The following SLC28A3 variants were observed in gnomAD, a reference collection of about 807,000 sequenced individuals.
SLC28A3 encodes the protein solute carrier family 28 member 3.
A neutral mutation model predicts 84.2 loss-of-function variants in SLC28A3; 68 were observed. The ratio of observed to expected loss-of-function variants is 0.81; its 90% CI spans 0.66 to 0.99. The LOEUF is 0.99. Among genes scored for constraint, SLC28A3 ranks in the 50% least tolerant of loss-of-function variants. SLC28A3 has a pLI of 0.00. For missense variants in SLC28A3, 712 were observed against 841.5 expected, an observed-to-expected ratio of 0.85 and a Z score of 1.90; for synonymous variants, 267 against 303.6, an observed-to-expected ratio of 0.88 and a Z score of 1.25.
At position 84,278,146 on chromosome 9, in the gene SLC28A3, C is replaced by CTTTTT. The variant is rs1022106554; in HGVS notation, c.*67_*71dup. ...AGCATCAATCTGTGGACAATAGCTT[C>CTTTTT]TTTTTTTTTTCTTTCCAAAGCAGAA... On this transcript the variant is annotated 3_prime_UTR_variant, in exon 18 of 18. Coordinates refer to ENST00000376238, the MANE Select transcript of SLC28A3 (RefSeq NM_001199633.2). The CTTTTT allele has an allele frequency of 1.2e-5, 16 of 1,380,742 alleles. No homozygotes were observed. Among genetic ancestry groups the CTTTTT allele is most frequent in the Admixed American group, 2.2e-5 (1 of 44,942 alleles). The allele number at this position is 1,380,742 out of a possible 1,614,324, so 85.5% of individuals were successfully genotyped here.
At chr9:84,291,621 C>T (rs943459295) in intron 10 of SLC28A3, among the ~76,000 whole-genome samples, 1 of 152,228 alleles carries the variant, frequency 6.6e-6, no homozygotes, top group African/African-American at 2.4e-5. Flanking sequence ...CAGGCGTGAG[C>T]CACTGCGCCC....
At chr9:84,348,913 T>A in the SLC28A3 span, among the ~76,000 whole-genome samples, 1 of 151,548 alleles carries the variant, frequency 6.6e-6, no homozygotes. Context: ...AACTTGTATT[T>A]TTTTTTTTTT....
intron 14 of SLC28A3, among the ~76,000 whole-genome samples, chr9:84,284,949 T>C (rs1335412118): frequency 1.3e-5 from 2 of 152,236 alleles, no homozygotes; most frequent in Non-Finnish European, 2.9e-5. Context: ...CACTAGACTG[T>C]TAGCCACTAG....
At chr9:84,349,801 A>T in the SLC28A3 span, among the ~76,000 whole-genome samples, 2 of 152,242 alleles carry the variant, frequency 1.3e-5, no homozygotes, top group Non-Finnish European at 1.5e-5. Context: ...GCAACATGCA[A>T]CTTATGGATA....
At chr9:84,310,520 G>A in intron 2 of SLC28A3, 2 of 985,394 alleles carry the variant, frequency 2.0e-6, no homozygotes, top group Non-Finnish European at 2.4e-6. Context: ...GTTTGAGTGT[G>A]CTCTAAGAAG....
the SLC28A3 span, among the ~76,000 whole-genome samples, chr9:84,353,109 A>G: frequency 6.6e-6 from 1 of 152,146 alleles, no homozygotes; most frequent in African/African-American, 2.4e-5. Flanking sequence ...ATTATTAGTG[A>G]CATTAAATTT....
chr9:84,304,117 A>G (rs1490490151), intron 4 of SLC28A3, among the ~76,000 whole-genome samples: 1 of 152,252 alleles, frequency 6.6e-6, no homozygotes, highest in Non-Finnish European at 1.5e-5. Flanking sequence ...TGTGTTCTAG[A>G]AATAAAGTTG....
At chr9:84,357,910 G>A in the SLC28A3 span, among the ~76,000 whole-genome samples, 1 of 152,156 alleles carries the variant, frequency 6.6e-6, no homozygotes, top group Non-Finnish European at 1.5e-5. Context: ...TCTAGATGCA[G>A]GGGTCTGAGT....
chr9:84,295,810 C>A (rs1825393690), intron 8 of SLC28A3, among the ~76,000 whole-genome samples: 1 of 152,110 alleles, frequency 6.6e-6, no homozygotes, highest in Non-Finnish European at 1.5e-5. Flanking sequence ...CCAGAGAAAG[C>A]TGCTACCAGA....
chr9:84,341,055 C>T (rs977999114), upstream of SLC28A3, among the ~76,000 whole-genome samples: 4 of 150,208 alleles, frequency 2.7e-5, no homozygotes, highest in African/African-American at 9.8e-5. Flanking sequence ...TTCACTGCAA[C>T]CTCTGCCTCC....
Position 84,305,370 on chromosome 9 carries a change from G to A in SLC28A3, c.243-25C>T, listed in dbSNP as rs1434126036. 10 of 1,596,126 alleles carry A rather than the reference G, an allele frequency of 6.3e-6. No homozygotes were observed. In the South Asian group the frequency reaches 1.1e-4, roughly 18 times the overall value. On this transcript the variant is annotated intron_variant, in intron 3 of 17. Transcript: ENST00000376238. ...CCTGCAACATAAAAGCAAAAAGGCA[G>A]GGAGAAGTAAACACCAAAAACATGA...
chr9:84,295,054 C>T (rs1363982681), intron 8 of SLC28A3, among the ~76,000 whole-genome samples: 1 of 152,050 alleles, frequency 6.6e-6, no homozygotes, highest in Non-Finnish European at 1.5e-5. Context: ...ACTGGACTGC[C>T]CTGCATGTGA....
At chr9:84,311,312 C>T (rs2118406501) in intron 2 of SLC28A3, among the ~76,000 whole-genome samples, 1 of 152,212 alleles carries the variant, frequency 6.6e-6, no homozygotes, top group South Asian at 2.1e-4. Context: ...TTTAAGTTCA[C>T]AGCAAAATGG....
chr9:84,329,893 TGAAAA>T (rs1417000052), intron 1 of SLC28A3, among the ~76,000 whole-genome samples: 1 of 151,726 alleles, frequency 6.6e-6, no homozygotes, highest in Admixed American at 6.6e-5. Flanking sequence ...ATAACAAAAA[TGAAAA>T]TATACGAAAA....
intron 8 of SLC28A3, among the ~76,000 whole-genome samples, chr9:84,296,888 A>G (rs1302691868): frequency 6.6e-6 from 1 of 152,216 alleles, no homozygotes; most frequent in Admixed American, 6.5e-5. Context: ...TGGGAACATA[A>G]TATTCTTTTC....
At chr9:84,314,180 T>A (rs1826089131) in intron 1 of SLC28A3, among the ~76,000 whole-genome samples, 1 of 152,192 alleles carries the variant, frequency 6.6e-6, no homozygotes, top group Non-Finnish European at 1.5e-5. Flanking sequence ...TAAAGCAATC[T>A]CTGGCAGTAA....
intron 4 of SLC28A3, 48 bp downstream of exon 4, chr9:84,305,206 A>G: frequency 7.2e-7 from 1 of 1,382,968 alleles, no homozygotes; most frequent in Non-Finnish European, 9.9e-7. Flanking sequence ...ATCCCTGAAA[A>G]AAAAAAAAAA....
rs186808279 is a variant in SLC28A3, at chr9:84,337,823, C to T, written c.60+2751G>A. Among the ~76,000 whole-genome samples, 9 of 152,114 alleles carry T rather than the reference C, an allele frequency of 5.9e-5. No individual in the cohort carries two copies. In the East Asian group the frequency reaches 9.7e-4, roughly 16 times the overall value. ...AAAAAACCCTAACATTCATTTCTATCGTTGGTTACAAAATCCACTCTCATG... is the reference window on the plus strand; with the variant it reads ...AAAAAACCCTAACATTCATTTCTATTGTTGGTTACAAAATCCACTCTCATG... On this transcript the variant is annotated intron_variant, in intron 1 of 17. Transcript: ENST00000376238.
chr9:84,356,961 C>A, the SLC28A3 span, among the ~76,000 whole-genome samples: 1 of 152,104 alleles, frequency 6.6e-6, no homozygotes, highest in Non-Finnish European at 1.5e-5. Flanking sequence ...AGGATAAATA[C>A]AATTTTTTCA....
Sources: gnomAD v4.1 joint callset for allele counts (sites outside exome capture counted in the v4.1 genomes callset) on GRCh38, gnomAD v4.1.1 for gene constraint, MANE v1.5 for transcripts, NCBI Gene and HGNC (gene_info 2026-07-23, HGNC 2026-07-21) for gene names.